The following ESR1 variants were observed in gnomAD, a reference collection of about 807,000 sequenced individuals.
ESR1 encodes the protein estrogen receptor.
In ESR1, 12 loss-of-function variants were observed where a neutral mutation model predicts 52.7. The ratio of observed to expected loss-of-function variants is 0.23; its 90% CI spans 0.15 to 0.37. The LOEUF is 0.37. Among genes scored for constraint, ESR1 ranks in the 10% least tolerant of loss-of-function variants. ESR1 has a pLI of 1.00. For synonymous variants in ESR1, 305 were observed against 316.8 expected, an observed-to-expected ratio of 0.96 and a Z score of 0.39; for missense variants, 584 against 779.7, an observed-to-expected ratio of 0.75 and a Z score of 2.99.
chr6:151,936,987 G>A (rs2034444083), intron 3 of ESR1, among the ~76,000 whole-genome samples: 1 of 152,022 alleles, frequency 6.6e-6, no homozygotes, highest in South Asian at 2.1e-4. Context: ...CAATACAAGA[G>A]GAGGCATAGA....
chr6:151,713,721 T>TTC (rs150800628), intron 2 of ESR1, among the ~76,000 whole-genome samples: 48,726 of 151,822 alleles, frequency 0.32, 8,496 homozygotes, highest in African/African-American at 0.46. Context: ...TATTTGATTT[T>TTC]TCTCTTTTCT....
intron 3 of ESR1, among the ~76,000 whole-genome samples, chr6:151,881,083 T>C (rs1284313270): frequency 1.3e-5 from 2 of 152,216 alleles, no homozygotes; most frequent in African/African-American, 4.8e-5. Flanking sequence ...AGTAAATTAT[T>C]CTAGAAATAT....
At chr6:151,961,225 C>G (rs779519284) in intron 4 of ESR1, among the ~76,000 whole-genome samples, 1 of 151,980 alleles carries the variant, frequency 6.6e-6, no homozygotes, top group Admixed American at 6.6e-5. Context: ...AAAGATTGAG[C>G]CTTGGGACAG....
intron 2 of ESR1, among the ~76,000 whole-genome samples, chr6:151,731,311 G>A (rs551531544): frequency 2.6e-5 from 4 of 151,762 alleles, no homozygotes; most frequent in Non-Finnish European, 5.9e-5. Context: ...AGCTGAGATC[G>A]CGCCACTGTA....
intron 5 of ESR1, among the ~76,000 whole-genome samples, chr6:152,016,512 T>TGATA (rs1416441988): frequency 2.0e-5 from 3 of 152,174 alleles, no homozygotes. Context: ...TTGATGGCAT[T>TGATA]GATAGATGCA....
intron 2 of ESR1, among the ~76,000 whole-genome samples, chr6:151,797,972 A>G (rs1006230362): frequency 2.0e-5 from 3 of 152,194 alleles, no homozygotes; most frequent in African/African-American, 4.8e-5. Flanking sequence ...GCATTCCTAT[A>G]AACTGCAGAC....
intron 6 of ESR1, chr6:152,125,232 GGTAATGGTAATTCA>G (rs2052949647): frequency 7.1e-6 from 11 of 1,547,120 alleles, no homozygotes; most frequent in African/African-American, 1.4e-5. Context: ...TAGGAATAAT[GGTAATGGTAATTCA>G]GGTCGTATTC....
At chr6:152,038,274 C>T (rs1267732487) in intron 5 of ESR1, among the ~76,000 whole-genome samples, 2 of 152,228 alleles carry the variant, frequency 1.3e-5, no homozygotes, top group African/African-American at 4.8e-5. Flanking sequence ...GCCACGCTGG[C>T]ATGATGATGA....
intron 3 of ESR1, among the ~76,000 whole-genome samples, chr6:151,939,043 G>A (rs1484518038): frequency 1.3e-5 from 2 of 152,174 alleles, no homozygotes; most frequent in Non-Finnish European, 2.9e-5. Context: ...GAGCTATAAT[G>A]ACAGTGTACA....
intron 5 of ESR1, among the ~76,000 whole-genome samples, chr6:152,050,614 A>G (rs978473328): frequency 2.0e-5 from 3 of 152,218 alleles, no homozygotes; most frequent in Non-Finnish European, 4.4e-5. Flanking sequence ...ACACTAACAT[A>G]TAAACATAGA....
At chr6:151,889,748 ATTGT>A (rs1430403265) in intron 3 of ESR1, among the ~76,000 whole-genome samples, 3 of 151,790 alleles carry the variant, frequency 2.0e-5, no homozygotes, top group Non-Finnish European at 4.4e-5. Flanking sequence ...ATAACATTAG[ATTGT>A]TTGAGATCTT....
Position 152,011,724 on chromosome 6 carries a change from A to T in ESR1, c.1165A>T (p.Ile389Phe), listed in dbSNP as rs2128778799. ...LECAWLEILM[I>F]GLVWRSMEHP... ...ATGTGCCTGGCTAGAGATCCTGATG[A>T]TTGGTCTCGTCTGGCGCTCCATGGA... Residue 389 changes from isoleucine (I) to phenylalanine (F), a missense_variant, in exon 5 of 8, where the codon ATT (isoleucine) becomes TTT (phenylalanine). Physicochemically the swap from Ile to Phe is conservative, Grantham distance 21. This residue lies in a region of ESR1 where 141 missense variants were observed against 289.3 expected (regional missense o/e 0.49). Coordinates refer to ENST00000206249, the MANE Select transcript of ESR1 (RefSeq NM_000125.4). 6.2e-7 allele frequency: 1 copy of T among 1,613,224 alleles called. No homozygotes were observed. The highest frequency in any genetic ancestry group is 8.5e-7 in the Non-Finnish European group (1 of 1,179,536).
At chr6:151,790,927 GA>G (rs1776092463) in intron 2 of ESR1, among the ~76,000 whole-genome samples, 1 of 152,044 alleles carries the variant, frequency 6.6e-6, no homozygotes. Context: ...TCCTGGGCAT[GA>G]AAAAAACCTA....
chr6:151,858,154 A>G (rs1311315433), intron 2 of ESR1, among the ~76,000 whole-genome samples: 1 of 152,202 alleles, frequency 6.6e-6, no homozygotes, highest in Non-Finnish European at 1.5e-5. Context: ...TTCGTTCATT[A>G]TCCATGAGCC....
At chr6:151,686,567 A>T (rs1025490931), upstream of ESR1, among the ~76,000 whole-genome samples, 1 of 152,216 alleles carries the variant, frequency 6.6e-6, no homozygotes, top group Non-Finnish European at 1.5e-5. Flanking sequence ...GGGCACCTGT[A>T]GTCCCAGCTA....
chr6:152,050,459 C>A (rs557608354), intron 5 of ESR1, among the ~76,000 whole-genome samples: 4 of 152,116 alleles, frequency 2.6e-5, no homozygotes, highest in African/African-American at 9.7e-5. Flanking sequence ...TTAAAAATTT[C>A]TCTTATTTGT....
chr6:151,960,548 A>G (rs577413126), intron 4 of ESR1, among the ~76,000 whole-genome samples: 9 of 152,320 alleles, frequency 5.9e-5, no homozygotes, highest in Admixed American at 5.9e-4. Flanking sequence ...GGAATATTCT[A>G]GAAACAGGAA....
At chr6:151,686,871 C>T (rs1046749907), upstream of ESR1, among the ~76,000 whole-genome samples, 1 of 152,176 alleles carries the variant, frequency 6.6e-6, no homozygotes, top group Non-Finnish European at 1.5e-5. Flanking sequence ...ATTCTACAAC[C>T]CTGTCAGTGA....
intron 5 of ESR1, among the ~76,000 whole-genome samples, chr6:152,029,639 T>C (rs1360310609): frequency 6.6e-6 from 1 of 152,172 alleles, no homozygotes; most frequent in African/African-American, 2.4e-5. Flanking sequence ...TATGGGACTA[T>C]GTGAAAAGAC....
Sources: allele counts gnomAD v4.1 joint callset (sites outside exome capture counted in the v4.1 genomes callset), GRCh38; gene constraint gnomAD v4.1.1; regional missense constraint gnomAD v4.1.1; transcripts MANE v1.5; gene names NCBI Gene and HGNC (gene_info 2026-07-23, HGNC 2026-07-21).